LSAMP: variants seen among roughly 807,000 people sequenced by gnomAD.
LSAMP encodes limbic system-associated membrane protein.
Under a neutral mutation model 38.6 loss-of-function variants are expected in LSAMP, and 7 were observed. The observed-to-expected ratio is 0.18, with a 90% confidence interval of 0.10 to 0.34. The LOEUF is 0.34. Among genes scored for constraint, LSAMP ranks in the 10% least tolerant of loss-of-function variants. The probability of loss-of-function intolerance (pLI) is 1.00; values close to 1 mark genes in which losing one functional copy is unlikely to be tolerated. For synonymous variants in LSAMP, 154 were observed against 166.8 expected, an observed-to-expected ratio of 0.92 and a Z score of 0.59; for missense variants, 313 against 420.0, an observed-to-expected ratio of 0.75 and a Z score of 2.23.
At chr3:115,882,603 T>C (rs1396429200) in intron 3 of LSAMP, among the ~76,000 whole-genome samples, 1 of 152,154 alleles carries the variant, frequency 6.6e-6, no homozygotes, top group African/African-American at 2.4e-5. Context: ...GAGAGTATAC[T>C]ATTTAAGTAC....
chr3:116,033,401 G>A (rs900591442), intron 2 of LSAMP, among the ~76,000 whole-genome samples: 2 of 152,064 alleles, frequency 1.3e-5, no homozygotes, highest in Non-Finnish European at 2.9e-5. Flanking sequence ...AGAGCCCTGG[G>A]CATGTTATGG....
rs1935011563 is a variant in LSAMP at position 115,841,981 on chromosome 3, G to A, written c.783C>T (p.Ala261=). 1 of 1,612,254 alleles carries A rather than the reference G, an allele frequency of 6.2e-7. No individual in the cohort carries two copies. The highest frequency in any genetic ancestry group is 2.2e-5 in the East Asian group (1 of 44,862). ...WYRDDTRINS[A]NGLEIKSTEG... ...CCGTGCTCTTAATCTCAAGGCCATT[G>A]GCACTATTTATCCTAAGAGTTCAAA... Residue 261 remains alanine, a synonymous_variant, in exon 6 of 7, where the codon GCC becomes GCT. Transcript: ENST00000490035.
intron 4 of LSAMP, 133 bp downstream of exon 4, chr3:115,852,350 T>C: frequency 9.4e-7 from 1 of 1,064,386 alleles, no homozygotes; most frequent in Non-Finnish European, 1.3e-6. Context: ...GTTCAATGTA[T>C]AAATGTGCAT....
At chr3:115,869,821 GCA>G (rs1559859764) in intron 3 of LSAMP, among the ~76,000 whole-genome samples, 1 of 151,954 alleles carries the variant, frequency 6.6e-6, no homozygotes, top group Non-Finnish European at 1.5e-5. Context: ...GTAGTGCTAG[GCA>G]CAGACATTTA....
intron 1 of LSAMP, among the ~76,000 whole-genome samples, chr3:116,425,729 A>G (rs1027311504): frequency 6.6e-6 from 1 of 151,982 alleles, no homozygotes; most frequent in Non-Finnish European, 1.5e-5. Flanking sequence ...GATACTGCCT[A>G]TAAGTCCATA....
intron 1 of LSAMP, among the ~76,000 whole-genome samples, chr3:116,088,387 C>A (rs1362323929): frequency 2.0e-5 from 3 of 152,090 alleles, no homozygotes; most frequent in African/African-American, 7.2e-5. Context: ...GAGCACCAAG[C>A]TAACTTCATG....
At chr3:116,130,676 C>G (rs1181102358) in intron 1 of LSAMP, among the ~76,000 whole-genome samples, 1 of 152,088 alleles carries the variant, frequency 6.6e-6, no homozygotes, top group Non-Finnish European at 1.5e-5. Flanking sequence ...CTCACTCTCC[C>G]TATTTTTAAG....
At chr3:116,349,791 C>T (rs2048113074) in intron 1 of LSAMP, among the ~76,000 whole-genome samples, 1 of 151,910 alleles carries the variant, frequency 6.6e-6, no homozygotes, top group South Asian at 2.1e-4. Context: ...TAAGGGAATA[C>T]TAGCTTCACA....
intron 3 of LSAMP, among the ~76,000 whole-genome samples, chr3:115,938,203 G>T (rs1937776688): frequency 6.6e-6 from 1 of 152,072 alleles, no homozygotes; most frequent in African/African-American, 2.4e-5. Context: ...TTATGAGTGT[G>T]GTTTATGAGA....
chr3:116,139,860 T>C (rs1709333116), intron 1 of LSAMP, among the ~76,000 whole-genome samples: 1 of 152,028 alleles, frequency 6.6e-6, no homozygotes, highest in Admixed American at 6.6e-5. Flanking sequence ...ATTGTCCCTG[T>C]AGACAGAGTT....
chr3:116,043,602 A>G (rs1241268995), intron 2 of LSAMP, among the ~76,000 whole-genome samples: 1 of 152,234 alleles, frequency 6.6e-6, no homozygotes, highest in Non-Finnish European at 1.5e-5. Context: ...AGACCTGCCA[A>G]TAAGACCTGG....
At chr3:116,105,625 G>A (rs1177619966) in intron 1 of LSAMP, among the ~76,000 whole-genome samples, 1 of 152,174 alleles carries the variant, frequency 6.6e-6, no homozygotes, top group Non-Finnish European at 1.5e-5. Flanking sequence ...TAATCACTCA[G>A]TTAAAGTGGG....
At chr3:116,327,073 C>T (rs957899581) in intron 1 of LSAMP, among the ~76,000 whole-genome samples, 5 of 152,180 alleles carry the variant, frequency 3.3e-5, no homozygotes, top group African/African-American at 1.2e-4. Flanking sequence ...TACACCAGTG[C>T]TTTTGCACAT....
rs889259239 is a variant in LSAMP, at chr3:116,178,832, T to C, written c.156-92276A>G. ...TCATTTGAGACAAAACTGGAAGTTCTATCTTGATAAAACTCCCTACCTGAA... is the reference window on the plus strand; with the variant it reads ...TCATTTGAGACAAAACTGGAAGTTCCATCTTGATAAAACTCCCTACCTGAA... On this transcript the variant is annotated intron_variant, in intron 1 of 6. Transcript: ENST00000490035. 3.3e-5 allele frequency among the ~76,000 whole-genome samples: 5 copies of C among 152,210 alleles called. No homozygotes were observed. In the East Asian group the frequency reaches 5.8e-4, roughly 18 times the overall value.
chr3:115,847,060 C>A (rs1935183578), intron 4 of LSAMP, among the ~76,000 whole-genome samples: 1 of 152,064 alleles, frequency 6.6e-6, no homozygotes, highest in Non-Finnish European at 1.5e-5. Context: ...ACTTTTAACG[C>A]CTAAAGTGAT....
At position 116,198,202 on chromosome 3, in the gene LSAMP, G is replaced by C. The variant is rs72945931; in HGVS notation, c.156-111646C>G. On this transcript the variant is annotated intron_variant, in intron 1 of 6. Coordinates refer to ENST00000490035, the MANE Select transcript of LSAMP (RefSeq NM_002338.5). ...AGATGGGAAGTTGCTACTGTTCATAGTGAGAAATGGTGAAGACCACAGTTT... is the reference window on the plus strand; with the variant it reads ...AGATGGGAAGTTGCTACTGTTCATACTGAGAAATGGTGAAGACCACAGTTT... 1.7e-3 allele frequency among the ~76,000 whole-genome samples: 263 copies of C among 152,350 alleles called. 2 individuals are homozygous for C. The highest frequency in any genetic ancestry group is 6.0e-3 in the African/African-American group (248 of 41,588).
chr3:116,273,791 A>ATATC (rs35216627), intron 1 of LSAMP, among the ~76,000 whole-genome samples: 26,102 of 140,412 alleles, frequency 0.19, 2,768 homozygotes, highest in African/African-American at 0.23. Context: ...ACAGATATAT[A>ATATC]TATCTTTCTC....
chr3:116,183,721 T>G (rs910648256), intron 1 of LSAMP, among the ~76,000 whole-genome samples: 1 of 151,834 alleles, frequency 6.6e-6, no homozygotes, highest in Non-Finnish European at 1.5e-5. Flanking sequence ...TAGTCACCAT[T>G]TCTGATTAGA....
intron 1 of LSAMP, among the ~76,000 whole-genome samples, chr3:116,356,161 C>A (rs1351261715): frequency 6.6e-6 from 1 of 152,142 alleles, no homozygotes; most frequent in African/African-American, 2.4e-5. Context: ...TCACAATAGT[C>A]AAGATTTGCA....
Sources: allele counts gnomAD v4.1 joint callset (sites outside exome capture counted in the v4.1 genomes callset), GRCh38; gene constraint gnomAD v4.1.1; transcripts MANE v1.5; gene names NCBI Gene and HGNC (gene_info 2026-07-23, HGNC 2026-07-21).